Variants in PRR29 observed in about 807,000 individuals in gnomAD.
PRR29 encodes proline rich 29.
In PRR29, 20 loss-of-function variants were observed where a neutral mutation model predicts 25.1. That is an observed-to-expected ratio of 0.80 (90% CI 0.56 to 1.16). PRR29 has a LOEUF of 1.16. Among genes scored for constraint, PRR29 ranks in the 50% most tolerant of loss-of-function variants. The pLI, the probability that PRR29 is intolerant of heterozygous loss-of-function variation, is 0.00. For synonymous variants in PRR29, 108 were observed against 102.6 expected (o/e 1.05, Z -0.32); for missense variants, 238 against 246.6 (o/e 0.97, Z 0.23).
In PRR29 at chr17:63,998,797, T is replaced by TGGGCC; in HGVS notation, c.136+15_136+16insGGGCC. ...CGTGAAGGAAGGTGAGACTCCCGGG[T>TGGGCC]CCCCCCACCCCACCCCCACCATCAC... On this transcript the variant is annotated intron_variant, in intron 2 of 5. Transcript: ENST00000412177. The TGGGCC allele has an allele frequency of 3.9e-5, 41 of 1,062,382 alleles. No homozygotes were observed. Among genetic ancestry groups the TGGGCC allele is most frequent in the Non-Finnish European group, 4.9e-5 (37 of 761,506 alleles). 65.8% of individuals were successfully genotyped at this position (1,062,382 alleles called of 1,614,324 possible).
In PRR29 at chr17:63,998,797, T is replaced by TGGGG; in HGVS notation, c.136+15_136+16insGGGG. The TGGGG allele has an allele frequency of 7.5e-6, 8 of 1,062,524 alleles. No individual in the cohort carries two copies. The highest frequency in any genetic ancestry group is 9.2e-6 in the Non-Finnish European group (7 of 761,638). The allele number at this position is 1,062,524 out of a possible 1,614,324, so 65.8% of individuals were successfully genotyped here. ...CGTGAAGGAAGGTGAGACTCCCGGG[T>TGGGG]CCCCCCACCCCACCCCCACCATCAC... On this transcript the variant is annotated intron_variant, in intron 2 of 5. Transcript: ENST00000412177.
At position 64,004,111 on chromosome 17, in the gene PRR29, G is replaced by A. The variant is rs1480533309; in HGVS notation, c.*2350G>A. On this transcript the variant is annotated 3_prime_UTR_variant, in exon 6 of 6. Transcript: ENST00000412177. ...CGGCTCCAGTGCAGAGAGGAAGAGG[G>A]CAGCAGTTGAGGATGGAGGCTGGAC... is the stretch of plus-strand genomic sequence containing the variant. The A allele has an allele frequency of 2.5e-5, 16 of 627,742 alleles. No individual in the cohort carries two copies. Among genetic ancestry groups the A allele is most frequent in the Non-Finnish European group, 3.9e-5 (14 of 360,372 alleles). The allele number at this position is 627,742 out of a possible 1,614,324, so 38.9% of individuals were successfully genotyped here.
chr17:63,998,958 C>G lies in PRR29; in HGVS notation c.137-10C>G, dbSNP rs1340682367. On this transcript the variant is annotated splice_polypyrimidine_tract_variant and intron_variant, in intron 2 of 5. Coordinates refer to ENST00000412177, the MANE Select transcript of PRR29 (RefSeq NM_001164257.2). Reference sequence around the variant, plus strand: ...GGCCCGGCGTGGGCTTGCTGAACCCCGCTTCCTAGACCTGCTGGAACTGAT... The same window carrying G: ...GGCCCGGCGTGGGCTTGCTGAACCCGGCTTCCTAGACCTGCTGGAACTGAT... 2 of 1,536,136 alleles carry G rather than the reference C, an allele frequency of 1.3e-6. No individual in the cohort carries two copies. Among genetic ancestry groups the G allele is most frequent in the African/African-American group, 1.4e-5 (1 of 73,152 alleles).
In PRR29 at chr17:64,002,498, A is replaced by G. The variant is rs1910842993; in HGVS notation, c.*737A>G. 2 of 519,948 alleles carry G rather than the reference A, an allele frequency of 3.8e-6. No homozygotes were observed. Among genetic ancestry groups the G allele is most frequent in the Non-Finnish European group, 6.9e-6 (2 of 288,880 alleles). 32.2% of individuals were successfully genotyped at this position (519,948 alleles called of 1,614,324 possible). A position where few individuals can be genotyped will look rare whatever the true frequency, so the allele number is the denominator to read the frequency against. On this transcript the variant is annotated 3_prime_UTR_variant, in exon 6 of 6. Transcript: ENST00000412177. ...GGGCTGGGAGGCCCCTGTGAAGGAG[A>G]GGGTGGGGAGGGAGGCATCTAGGGA...
At chr17:64,001,424 C>A in intron 4 of PRR29, 43 bp from the exon 5 acceptor site, 2 of 1,488,868 alleles carry the variant, frequency 1.3e-6, no homozygotes, top group Non-Finnish European at 1.8e-6. Flanking sequence ...CAGAGGCCAC[C>A]CCTGGGCCTC....
Position 64,001,525 on chromosome 17 carries a change from C to A in PRR29, c.529C>A (p.Pro177Thr). ...SATGTVGADV[P>T]PASDYYDAES... ...CACAGGGACTGTGGGTGCTGATGTA[C>A]CCCCGGCTTCAGGTAGGGCTGGGGT... Residue 177 changes from proline (P) to threonine (T), a missense_variant, in exon 5 of 6, where the codon CCC (proline) becomes ACC (threonine). By Grantham distance (38) the Pro-to-Thr change is conservative (BLOSUM62 -1). Transcript: ENST00000412177. 6.6e-7 allele frequency: 1 copy of A among 1,516,344 alleles called. No homozygotes were observed. The highest frequency in any genetic ancestry group is 8.8e-7 in the Non-Finnish European group (1 of 1,137,734). The allele number at this position is 1,516,344 out of a possible 1,614,324, so 93.9% of individuals were successfully genotyped here.
Position 64,003,604 on chromosome 17 carries a change from G to C in PRR29, c.*1843G>C. ...TTTCTTCCCCCGAGGGGCTGAAAGTGACTTATCACTCCCAACTCCATCCAC... is the reference window on the plus strand; with the variant it reads ...TTTCTTCCCCCGAGGGGCTGAAAGTCACTTATCACTCCCAACTCCATCCAC... On this transcript the variant is annotated 3_prime_UTR_variant, in exon 6 of 6. Transcript: ENST00000412177. The C allele has an allele frequency of 6.4e-7, 1 of 1,569,748 alleles. No individual in the cohort carries two copies. Among genetic ancestry groups the C allele is most frequent in the Non-Finnish European group, 8.7e-7 (1 of 1,151,452 alleles).
At chr17:64,000,754 G>A (rs577382872) in intron 3 of PRR29, 18 of 294,162 alleles carry the variant, frequency 6.1e-5, no homozygotes, top group Admixed American at 1.3e-4. Flanking sequence ...CCGGGTTCAC[G>A]CCATTCTCCT....
In PRR29 at chr17:64,002,909, G is replaced by C; in HGVS notation, c.*1148G>C. 1 of 1,613,598 alleles carries C rather than the reference G, an allele frequency of 6.2e-7. No individual in the cohort carries two copies. On this transcript the variant is annotated 3_prime_UTR_variant, in exon 6 of 6. Coordinates refer to ENST00000412177, the MANE Select transcript of PRR29 (RefSeq NM_001164257.2). ...CCACCGTGACTATGATGACCATCTG[G>C]CTGTCCGACACAGGCTCTGGGGAGG...
At position 64,002,991 on chromosome 17, in the gene PRR29, G is replaced by C; in HGVS notation, c.*1230G>C. 1 of 1,496,922 alleles carries C rather than the reference G, an allele frequency of 6.7e-7. No individual in the cohort carries two copies. The highest frequency in any genetic ancestry group is 1.4e-5 in the African/African-American group (1 of 72,618). The allele number at this position is 1,496,922 out of a possible 1,614,324, so 92.7% of individuals were successfully genotyped here. ...CCCAGTTACCAGGGACCAAAAGGGA[G>C]TGGAAGTCCACCCCCAACCCAGACC... On this transcript the variant is annotated 3_prime_UTR_variant, in exon 6 of 6. Coordinates refer to ENST00000412177, the MANE Select transcript of PRR29 (RefSeq NM_001164257.2).
chr17:63,998,796 G>GGGGCCCCCCCCCCCC lies in PRR29; in HGVS notation c.136+14_136+15insGGGCCCCCCCCCCCC. 3 of 1,345,578 alleles carry GGGGCCCCCCCCCCCC rather than the reference G, an allele frequency of 2.2e-6. No individual in the cohort carries two copies. Among genetic ancestry groups the GGGGCCCCCCCCCCCC allele is most frequent in the South Asian group, 1.3e-5 (1 of 79,780 alleles). The allele number at this position is 1,345,578 out of a possible 1,614,324, so 83.4% of individuals were successfully genotyped here. On this transcript the variant is annotated intron_variant, in intron 2 of 5. Transcript: ENST00000412177. ...GCGTGAAGGAAGGTGAGACTCCCGG[G>GGGGCCCCCCCCCCCC]TCCCCCCACCCCACCCCCACCATCA...
chr17:63,998,602 G>A, intron 1 of PRR29, 105 bp from the exon 2 acceptor site: 1 of 1,034,750 alleles, frequency 9.7e-7, no homozygotes, highest in Non-Finnish European at 1.4e-6. Flanking sequence ...AGAGAACCTG[G>A]CCCCTGCGGG....
rs1294882598 is a variant in PRR29 at position 63,998,895 on chromosome 17, C to A, written c.137-73C>A. Reference sequence around the variant, plus strand: ...GCACAACCCGCCAACCCATTCTTCACCCCCGGGACAGGGGTGTCAGGGGGA... The same window carrying A: ...GCACAACCCGCCAACCCATTCTTCAACCCCGGGACAGGGGTGTCAGGGGGA... On this transcript the variant is annotated intron_variant, in intron 2 of 5. Transcript: ENST00000412177. 15 of 1,417,294 alleles carry A rather than the reference C, an allele frequency of 1.1e-5. No individual in the cohort carries two copies. In the Admixed American group the frequency reaches 2.4e-4, roughly 23 times the overall value. The allele number at this position is 1,417,294 out of a possible 1,614,324, so 87.8% of individuals were successfully genotyped here. A position where few individuals can be genotyped will look rare whatever the true frequency, so the allele number is the denominator to read the frequency against.
At position 64,002,897 on chromosome 17, in the gene PRR29, G is replaced by T. The variant is rs765387038; in HGVS notation, c.*1136G>T. On this transcript the variant is annotated 3_prime_UTR_variant, in exon 6 of 6. Coordinates refer to ENST00000412177, the MANE Select transcript of PRR29 (RefSeq NM_001164257.2). ...GCAACACCGACACCACCGTGACTAT[G>T]ATGACCATCTGGCTGTCCGACACAG... 2 of 1,613,882 alleles carry T rather than the reference G, an allele frequency of 1.2e-6. No homozygotes were observed. Among genetic ancestry groups the T allele is most frequent in the Non-Finnish European group, 8.5e-7 (1 of 1,179,912 alleles).
chr17:63,998,571 G>A (rs959976824), intron 1 of PRR29, 136 bp from the exon 2 acceptor site: 1 of 1,126,896 alleles, frequency 8.9e-7, no homozygotes, highest in Non-Finnish European at 1.2e-6. Context: ...CAGGGAGCAG[G>A]GAGGCCGCGG....
rs1286082600 is a variant in PRR29, at chr17:64,002,801, G to A, written c.*1040G>A. ...TCCAAGCCGCTCGCACCCCGTAGGTGCCCATCCGCTGCTGGCGCAAGTGCT... is the reference window on the plus strand; with the variant it reads ...TCCAAGCCGCTCGCACCCCGTAGGTACCCATCCGCTGCTGGCGCAAGTGCT... On this transcript the variant is annotated 3_prime_UTR_variant, in exon 6 of 6. Transcript: ENST00000412177. 1 of 1,613,548 alleles carries A rather than the reference G, an allele frequency of 6.2e-7. No homozygotes were observed. The highest frequency in any genetic ancestry group is 2.2e-5 in the East Asian group (1 of 44,888).
rs774163017 is a variant in PRR29, at chr17:64,002,879, C to A, written c.*1118C>A. ...ATGTCACGAACAGGGACAGCAACAC[C>A]GACACCACCGTGACTATGATGACCA... On this transcript the variant is annotated 3_prime_UTR_variant, in exon 6 of 6. Coordinates refer to ENST00000412177, the MANE Select transcript of PRR29 (RefSeq NM_001164257.2). The A allele has an allele frequency of 1.2e-6, 2 of 1,613,740 alleles. No individual in the cohort carries two copies. The highest frequency in any genetic ancestry group is 1.7e-6 in the Non-Finnish European group (2 of 1,179,948).
intron 1 of PRR29, 97 bp downstream of exon 1, chr17:63,998,521 A>T: frequency 1.5e-6 from 2 of 1,318,020 alleles, no homozygotes; most frequent in Non-Finnish European, 2.0e-6. Context: ...GGGGTGGGGG[A>T]CGAGGAGAGA....
chr17:64,002,095 C>A lies in PRR29; in HGVS notation c.*334C>A. On this transcript the variant is annotated 3_prime_UTR_variant, in exon 6 of 6. Transcript: ENST00000412177. ...GAGCCCCCACCCTCTCTCCCTCACC[C>A]CTCTCTCTGGGATGATGAGGTCTCC... The A allele has an allele frequency of 2.6e-6, 3 of 1,157,786 alleles. No homozygotes were observed. Among genetic ancestry groups the A allele is most frequent in the Non-Finnish European group, 3.6e-6 (3 of 832,512 alleles). The allele number at this position is 1,157,786 out of a possible 1,614,324, so 71.7% of individuals were successfully genotyped here.
Sources: gnomAD v4.1 joint callset for allele counts on GRCh38, gnomAD v4.1.1 for gene constraint, MANE v1.5 for transcripts, NCBI Gene and HGNC (gene_info 2026-07-23, HGNC 2026-07-21) for gene names.